The following SMYD3 variants were observed in gnomAD, a reference collection of about 807,000 sequenced individuals.
SMYD3 encodes SET and MYND domain containing 3, also known as histone-lysine N-methyltransferase SMYD3.
In SMYD3, 36 loss-of-function variants were observed where a neutral mutation model predicts 57.7. That is an observed-to-expected ratio of 0.62 (90% CI 0.48 to 0.82). The LOEUF (loss-of-function observed/expected upper bound fraction) is 0.82, where lower values mean the gene tolerates loss of function less well. Ranked by LOEUF, SMYD3 falls within the 40% of genes least tolerant of loss-of-function variation. The probability of loss-of-function intolerance (pLI) is 0.00; values close to 1 mark genes in which losing one functional copy is unlikely to be tolerated. For synonymous variants in SMYD3, 211 were observed against 195.0 expected (o/e 1.08, Z -0.68); for missense variants, 515 against 538.8 (o/e 0.96, Z 0.44).
chr1:246,087,697 A>T (rs951513616), intron 5 of SMYD3, among the ~76,000 whole-genome samples: 4 of 152,308 alleles, frequency 2.6e-5, no homozygotes, highest in Admixed American at 1.3e-4. Context: ...CTGTGTCTTG[A>T]TTTTAACTTT....
chr1:246,253,088 T>C (rs1449110415), intron 5 of SMYD3, among the ~76,000 whole-genome samples: 2 of 152,218 alleles, frequency 1.3e-5, no homozygotes, highest in Non-Finnish European at 2.9e-5. Context: ...AACTGATAGT[T>C]TGAATTTAAT....
chr1:245,949,967 A>C (rs1036669933), intron 5 of SMYD3, among the ~76,000 whole-genome samples: 8 of 152,116 alleles, frequency 5.3e-5, no homozygotes, highest in Non-Finnish European at 1.0e-4. Context: ...AGCACAAGTC[A>C]CTGTCTGTGG....
intron 1 of SMYD3, among the ~76,000 whole-genome samples, chr1:246,458,504 T>C (rs2067739981): frequency 7.4e-6 from 1 of 135,362 alleles, no homozygotes; most frequent in Non-Finnish European, 1.5e-5. Context: ...TGGAGTGCAG[T>C]GGTGCGATCT....
intron 5 of SMYD3, among the ~76,000 whole-genome samples, chr1:246,296,953 C>A (rs952049228): frequency 6.6e-6 from 1 of 151,962 alleles, no homozygotes; most frequent in African/African-American, 2.4e-5. Flanking sequence ...AGCTAACAAT[C>A]GATGAATACA....
intron 8 of SMYD3, among the ~76,000 whole-genome samples, chr1:245,904,020 A>G (rs932176546): frequency 1.3e-5 from 2 of 152,148 alleles, no homozygotes; most frequent in African/African-American, 2.4e-5. Flanking sequence ...ATTTCTCCCC[A>G]GAATATGGGT....
At chr1:246,369,511 G>A (rs2066159781) in intron 1 of SMYD3, among the ~76,000 whole-genome samples, 1 of 152,052 alleles carries the variant, frequency 6.6e-6, no homozygotes. Flanking sequence ...AAATAGAATT[G>A]ATTTGGATTC....
intron 3 of SMYD3, among the ~76,000 whole-genome samples, chr1:246,334,716 TAA>T (rs2065513434): frequency 6.6e-6 from 1 of 152,128 alleles, no homozygotes; most frequent in African/African-American, 2.4e-5. Flanking sequence ...GAATCTAAAA[TAA>T]AAGCAAAACT....
intron 5 of SMYD3, among the ~76,000 whole-genome samples, chr1:246,200,398 T>C (rs929098386): frequency 6.7e-6 from 1 of 149,808 alleles, no homozygotes; most frequent in Non-Finnish European, 1.5e-5. Flanking sequence ...GCGCAGACGC[T>C]GAGCAAGAAT....
intron 5 of SMYD3, among the ~76,000 whole-genome samples, chr1:245,957,631 AC>A (rs10706570): frequency 0.2 from 30,674 of 152,068 alleles, 3,678 homozygotes; most frequent in East Asian, 0.41. Context: ...TTGTGTCTAT[AC>A]TTGAGTAGGC....
chr1:246,003,202 A>G (rs2059109771), intron 5 of SMYD3, among the ~76,000 whole-genome samples: 1 of 152,326 alleles, frequency 6.6e-6, no homozygotes, highest in South Asian at 2.1e-4. Context: ...GAAAGGGGAA[A>G]AACTCTATTG....
rs531122079 is a variant in SMYD3 at position 245,999,655 on chromosome 1, T to C, written c.532-69718A>G. 4.2e-4 allele frequency among the ~76,000 whole-genome samples: 64 copies of C among 152,280 alleles called. 1 individual carries two copies. Among genetic ancestry groups the C allele is most frequent in the Non-Finnish European group, 8.8e-4 (60 of 68,014 alleles). ...GGATAGGGATGTATAAACAATTATA[T>C]ACTACCTAAAGCAAGAGAGAGAGAA... On this transcript the variant is annotated intron_variant, in intron 5 of 11. Transcript: ENST00000490107.
chr1:246,342,190 A>T (rs186694235), intron 2 of SMYD3, among the ~76,000 whole-genome samples: 4 of 152,306 alleles, frequency 2.6e-5, no homozygotes, highest in Admixed American at 2.6e-4. Context: ...GAGCCCACTT[A>T]TTCAACAGTT....
At chr1:246,383,572 G>C (rs1470521018) in intron 1 of SMYD3, among the ~76,000 whole-genome samples, 2 of 152,188 alleles carry the variant, frequency 1.3e-5, no homozygotes, top group African/African-American at 4.8e-5. Context: ...AGCCTCTTTG[G>C]TTTAAAAATG....
chr1:246,277,992 G>A (rs2064367739), intron 5 of SMYD3, among the ~76,000 whole-genome samples: 1 of 152,072 alleles, frequency 6.6e-6, no homozygotes, highest in African/African-American at 2.4e-5. Context: ...AATACCCAAA[G>A]TATATACTTA....
At chr1:246,402,011 C>T (rs2066778190) in intron 1 of SMYD3, among the ~76,000 whole-genome samples, 1 of 152,226 alleles carries the variant, frequency 6.6e-6, no homozygotes, top group Non-Finnish European at 1.5e-5. Context: ...CGTGGGCCGC[C>T]GTGCCTGGCC....
At chr1:246,341,867 G>A (rs1419003253) in intron 2 of SMYD3, among the ~76,000 whole-genome samples, 1 of 152,182 alleles carries the variant, frequency 6.6e-6, no homozygotes, top group African/African-American at 2.4e-5. Flanking sequence ...TTGGGATAGA[G>A]TGTAAGAAGG....
chr1:246,372,430 T>C (rs1239255931), intron 1 of SMYD3, among the ~76,000 whole-genome samples: 2 of 152,262 alleles, frequency 1.3e-5, no homozygotes, highest in Admixed American at 1.3e-4. Context: ...AGATGAAGTA[T>C]AGACATCCCT....
intron 10 of SMYD3, among the ~76,000 whole-genome samples, chr1:245,831,971 T>G (rs546447595): frequency 2.6e-5 from 4 of 152,346 alleles, no homozygotes; most frequent in Non-Finnish European, 5.9e-5. Flanking sequence ...GTAACAGATA[T>G]CAGTTTCCTA....
chr1:245,793,428 G>C (rs1002661578), intron 10 of SMYD3, among the ~76,000 whole-genome samples: 1 of 152,276 alleles, frequency 6.6e-6, no homozygotes, highest in East Asian at 1.9e-4. Context: ...GCATGGCGGG[G>C]CAGGAATGAA....
Sources: allele counts gnomAD v4.1 joint callset (sites outside exome capture counted in the v4.1 genomes callset), GRCh38; gene constraint gnomAD v4.1.1; transcripts MANE v1.5; gene names NCBI Gene and HGNC (gene_info 2026-07-23, HGNC 2026-07-21).